Variants in NDUFAF6 observed in about 807,000 individuals in gnomAD.
NDUFAF6 encodes NADH dehydrogenase (ubiquinone) complex I, assembly factor 6.
Under a neutral mutation model 40.8 loss-of-function variants are expected in NDUFAF6, and 45 were observed. The ratio of observed to expected loss-of-function variants is 1.10; its 90% CI spans 0.87 to 1.42. The LOEUF (loss-of-function observed/expected upper bound fraction) is 1.42. NDUFAF6 is among the 40% of genes most tolerant of loss of function. The pLI is 0.00. For synonymous variants in NDUFAF6, 185 were observed against 155.9 expected (o/e 1.19, Z -1.39); for missense variants, 435 against 418.5 (o/e 1.04, Z -0.34).
In NDUFAF6 at chr8:95,075,750, C is replaced by T. The variant is rs1833005041; in HGVS notation, c.*629C>T. 3.9e-6 allele frequency: 5 copies of T among 1,265,988 alleles called. No homozygotes were observed. The South Asian group carries it at 6.2e-5, about 16-fold the overall frequency. 78.4% of individuals were successfully genotyped at this position (1,265,988 alleles called of 1,614,324 possible). A position where few individuals can be genotyped will look rare whatever the true frequency, so the allele number is the denominator to read the frequency against. On this transcript the variant is annotated 3_prime_UTR_variant and NMD_transcript_variant, in exon 10 of 10. Coordinates refer to the NDUFAF6 transcript ENST00000520757. Reference sequence around the variant, plus strand: ...CTGGTTCTAGGCATGCGCACTTCTCCAGGTACTTGAGCTTGGAAACCTTCT... The same window carrying T: ...CTGGTTCTAGGCATGCGCACTTCTCTAGGTACTTGAGCTTGGAAACCTTCT...
chr8:94,986,630 C>T (rs946058596), intron 2 of NDUFAF6, among the ~76,000 whole-genome samples: 4 of 152,118 alleles, frequency 2.6e-5, no homozygotes, highest in Admixed American at 6.5e-5. Flanking sequence ...AAATGCAATT[C>T]CATGGGGTTT....
rs754214884 is a variant in NDUFAF6, at chr8:95,048,565, C to A, written c.816+7C>A. Reference sequence around the variant, plus strand: ...ACACTTGCACCTAAAGCATGTAAGTCGGCTTTTTTTTGCCAAATCATTTAG... The same window carrying A: ...ACACTTGCACCTAAAGCATGTAAGTAGGCTTTTTTTTGCCAAATCATTTAG... On this transcript the variant is annotated splice_region_variant and intron_variant, in intron 7 of 8. Coordinates refer to ENST00000396124, the MANE Select transcript of NDUFAF6 (RefSeq NM_152416.4). 2 of 1,609,684 alleles carry A rather than the reference C, an allele frequency of 1.2e-6. No individual in the cohort carries two copies. The highest frequency in any genetic ancestry group is 2.2e-5 in the South Asian group (2 of 90,970).
At chr8:95,060,458 T>C (rs1832543853), downstream of NDUFAF6, among the ~76,000 whole-genome samples, 1 of 152,244 alleles carries the variant, frequency 6.6e-6, no homozygotes, top group Non-Finnish European at 1.5e-5. Flanking sequence ...TAGTTCTCAA[T>C]TGGCAATATT....
chr8:95,058,361 C>G lies in NDUFAF6; in HGVS notation c.*424C>G, dbSNP rs1414037280. 3 of 1,235,472 alleles carry G rather than the reference C, an allele frequency of 2.4e-6. No homozygotes were observed. Among genetic ancestry groups the G allele is most frequent in the Non-Finnish European group, 3.0e-6 (3 of 990,330 alleles). 76.5% of individuals were successfully genotyped at this position (1,235,472 alleles called of 1,614,324 possible). A position where few individuals can be genotyped will look rare whatever the true frequency, so the allele number is the denominator to read the frequency against. On this transcript the variant is annotated 3_prime_UTR_variant, in exon 9 of 9. Coordinates refer to ENST00000396124, the MANE Select transcript of NDUFAF6 (RefSeq NM_152416.4). ...GCTATAACCTAGGTGTTCAGAACAC[C>G]TGGAAGATGCATTTATTTAGGGGTC...
At chr8:95,011,548 G>A (rs1827227472) in intron 2 of NDUFAF6, among the ~76,000 whole-genome samples, 1 of 152,200 alleles carries the variant, frequency 6.6e-6, no homozygotes, top group African/African-American at 2.4e-5. Context: ...AGCTGAATAT[G>A]AGAATGTTAC....
chr8:95,073,856 C>T (rs954443226), intron 9 of NDUFAF6, among the ~76,000 whole-genome samples: 3 of 152,118 alleles, frequency 2.0e-5, no homozygotes, highest in African/African-American at 7.2e-5. Flanking sequence ...ACCTGATGTC[C>T]TAATTTGAAT....
At chr8:95,045,785 GTTA>G (rs1241473377) in intron 5 of NDUFAF6, 138 bp downstream of exon 5, 6 of 644,708 alleles carry the variant, frequency 9.3e-6, no homozygotes, top group South Asian at 1.9e-5. Flanking sequence ...AGTTTTTTTT[GTTA>G]TTATTATTAG....
intron 1 of NDUFAF6, among the ~76,000 whole-genome samples, chr8:94,914,827 CAA>C (rs530780157): frequency 7.8e-6 from 1 of 128,602 alleles, no homozygotes; most frequent in Non-Finnish European, 1.7e-5. Context: ...GGAGGCGTCT[CAA>C]AAAAAAAAAA....
intron 1 of NDUFAF6, among the ~76,000 whole-genome samples, chr8:94,936,544 C>A (rs888029503): frequency 1.3e-5 from 2 of 152,106 alleles, no homozygotes; most frequent in South Asian, 2.1e-4. Context: ...CTGAACTGCA[C>A]GCTGTTTTCC....
At chr8:95,112,092 C>A (rs1810013647) in intron 4 of NDUFAF6, among the ~76,000 whole-genome samples, 1 of 152,128 alleles carries the variant, frequency 6.6e-6, no homozygotes, top group Non-Finnish European at 1.5e-5. Flanking sequence ...ACCTCCTAAT[C>A]CTTGGAACCT....
At chr8:94,963,304 G>A (rs543225865) in intron 1 of NDUFAF6, among the ~76,000 whole-genome samples, 1 of 152,334 alleles carries the variant, frequency 6.6e-6, no homozygotes, top group South Asian at 2.1e-4. Flanking sequence ...ATTGTGCTAA[G>A]TGAATGAAGC....
At chr8:95,054,511 T>C (rs1831870511) in intron 8 of NDUFAF6, among the ~76,000 whole-genome samples, 1 of 151,628 alleles carries the variant, frequency 6.6e-6, no homozygotes, top group Admixed American at 6.6e-5. Context: ...CTCGGCTCAC[T>C]GCAGCCTCTG....
At chr8:95,092,586 T>C (rs1587265829) in intron 2 of NDUFAF6, among the ~76,000 whole-genome samples, 1 of 137,484 alleles carries the variant, frequency 7.3e-6, no homozygotes, top group African/African-American at 2.8e-5. Flanking sequence ...GCCTTTTTTT[T>C]TTTTTTTTTT....
chr8:95,074,319 T>C (rs980607481), intron 9 of NDUFAF6, among the ~76,000 whole-genome samples: 4 of 152,186 alleles, frequency 2.6e-5, no homozygotes. Flanking sequence ...TGACTTAAGA[T>C]CACCTGGGAG....
Position 95,025,057 on chromosome 8 carries a change from A to C in NDUFAF6, c.49A>C (p.Ile17Leu). Residue 17 changes from isoleucine to leucine, a missense_variant, in exon 1 of 9, where the codon ATC (isoleucine) becomes CTC (leucine). Physicochemically the swap from Ile to Leu is conservative, Grantham distance 5 (BLOSUM62 2). Coordinates refer to ENST00000396124, the MANE Select transcript of NDUFAF6 (RefSeq NM_152416.4). Reference protein sequence around the residue: ...GSVWGPLRLGIPGLCCRRPPL... With the variant: ...GSVWGPLRLGLPGLCCRRPPL... ...TGTCTGGGGGCCGTTGCGGCTTGGC[A>C]TCCCCGGCCTGTGCTGCCGCCGGCC... 7.0e-7 allele frequency: 1 copy of C among 1,420,294 alleles called. No individual in the cohort carries two copies. The highest frequency in any genetic ancestry group is 1.5e-5 in the South Asian group (1 of 65,648). The allele number at this position is 1,420,294 out of a possible 1,614,324, so 88.0% of individuals were successfully genotyped here. A position where few individuals can be genotyped will look rare whatever the true frequency, so the allele number is the denominator to read the frequency against.
intron 2 of NDUFAF6, among the ~76,000 whole-genome samples, chr8:94,993,313 AC>A (rs1364475071): frequency 6.6e-6 from 1 of 152,204 alleles, no homozygotes; most frequent in Non-Finnish European, 1.5e-5. Flanking sequence ...AAAAGTTAGG[AC>A]TTCAACATAT....
chr8:95,036,058 C>A (rs1829464719), intron 3 of NDUFAF6, among the ~76,000 whole-genome samples: 1 of 152,102 alleles, frequency 6.6e-6, no homozygotes, highest in Admixed American at 6.6e-5. Flanking sequence ...CTAAAACTGC[C>A]TTGTCTAGTT....
intron 1 of NDUFAF6, among the ~76,000 whole-genome samples, chr8:95,027,829 C>T (rs1828352723): frequency 6.6e-6 from 1 of 152,182 alleles, no homozygotes; most frequent in Admixed American, 6.5e-5. Flanking sequence ...TTTGGACGTG[C>T]ATTTTATGCA....
intron 2 of NDUFAF6, among the ~76,000 whole-genome samples, chr8:95,086,831 C>G (rs2132058536): frequency 6.6e-6 from 1 of 152,158 alleles, no homozygotes; most frequent in Admixed American, 6.5e-5. Context: ...TCTCGATCTC[C>G]TGACTTCGTG....
Sources: allele counts gnomAD v4.1 joint callset (sites outside exome capture counted in the v4.1 genomes callset), GRCh38; gene constraint gnomAD v4.1.1; transcripts MANE v1.5; gene names NCBI Gene and HGNC (gene_info 2026-07-23, HGNC 2026-07-21).